The following OR52N4 variants were observed in gnomAD, a reference collection of about 807,000 sequenced individuals.
The protein encoded by OR52N4 is olfactory receptor 52N4.
OR52N4 carries 15 observed loss-of-function variants against 15.0 expected under a neutral mutation model. The observed-to-expected ratio is 1.00, with a 90% CI of 0.67 to 1.54. The LOEUF (loss-of-function observed/expected upper bound fraction) is 1.54. Among genes scored for constraint, OR52N4 ranks in the 40% most tolerant of loss-of-function variants. The pLI, the probability that OR52N4 is intolerant of heterozygous loss-of-function variation, is 0.00. For missense variants in OR52N4, 421 were observed against 394.0 expected (o/e 1.07, Z -0.58); for synonymous variants, 143 against 143.7 (o/e 1.00, Z 0.03).
chr11:5,737,278 C>T, the OR52N4 span: 3 of 1,614,026 alleles, frequency 1.9e-6, no homozygotes, highest in African/African-American at 4.0e-5. Flanking sequence ...GTTCACATCT[C>T]ACCCTCATCC....
Position 5,755,460 on chromosome 11 carries a change from T to C in OR52N4, c.720T>C (p.Phe240=), listed in dbSNP as rs1377484155. 7.4e-6 allele frequency: 12 copies of C among 1,614,028 alleles called. No individual in the cohort carries two copies. Among genetic ancestry groups the C allele is most frequent in the Non-Finnish European group, 1.0e-5 (12 of 1,179,926 alleles). ...CAGCAGATGCTCGGCAGAAGGCCTT[T>C]AATACCTGCACTGCCCACATTTGTG... ...LSSADARQKA[F]NTCTAHICAI... Residue 240 remains phenylalanine, a synonymous_variant, in exon 2 of 2, where the codon TTT becomes TTC. Coordinates refer to ENST00000641350, the MANE Select transcript of OR52N4 (RefSeq NM_001005175.5).
At chr11:5,749,554 G>A (rs1854146405), upstream of OR52N4, among the ~76,000 whole-genome samples, 1 of 151,926 alleles carries the variant, frequency 6.6e-6, no homozygotes, top group Non-Finnish European at 1.5e-5. Context: ...AGACTAGCTA[G>A]AGAATATTTA....
chr11:5,752,782 T>C (rs1268144864), upstream of OR52N4, among the ~76,000 whole-genome samples: 1 of 152,176 alleles, frequency 6.6e-6, no homozygotes, highest in Non-Finnish European at 1.5e-5. Flanking sequence ...AGGACCCTTC[T>C]ACCACATACT....
chr11:5,742,914 T>C, the OR52N4 span, among the ~76,000 whole-genome samples: 1 of 152,140 alleles, frequency 6.6e-6, no homozygotes, highest in Non-Finnish European at 1.5e-5. Flanking sequence ...TGAACAGGAA[T>C]GTACTAAATG....
chr11:5,735,883 GC>G, the OR52N4 span: 6 of 152,688 alleles, frequency 3.9e-5, no homozygotes, highest in Non-Finnish European at 5.8e-5. Context: ...ACAACATTGT[GC>G]CTGTATTCAC....
At chr11:5,734,642 T>C in the OR52N4 span, among the ~76,000 whole-genome samples, 3 of 152,062 alleles carry the variant, frequency 2.0e-5, no homozygotes, top group Non-Finnish European at 4.4e-5. Flanking sequence ...AGAAAAAAAT[T>C]TTAATAGAGA....
At chr11:5,736,844 A>G in the OR52N4 span, 1 of 1,613,952 alleles carries the variant, frequency 6.2e-7, no homozygotes, top group Non-Finnish European at 8.5e-7. Context: ...CTTTGCTCAG[A>G]TTTATGCCAT....
chr11:5,736,653 C>T, the OR52N4 span: 8 of 1,613,888 alleles, frequency 5.0e-6, no homozygotes, highest in East Asian at 1.8e-4. Context: ...CTGTATCTCT[C>T]AGCACTTGCT....
the OR52N4 span, among the ~76,000 whole-genome samples, chr11:5,738,971 A>G: frequency 0.046 from 4,813 of 104,272 alleles, 1,201 homozygotes; most frequent in Middle Eastern, 0.14. Context: ...TATACATTAT[A>G]TAATGTCAAC....
Position 5,755,054 on chromosome 11 carries a change from T to C in OR52N4, c.314T>C (p.Phe105Ser), listed in dbSNP as rs1564958714. ...GFDECLVQMF[F>S]THTFTGMESG... Reference sequence around the variant, plus strand: ...GATGAATGCCTTGTCCAGATGTTCTTCACCCACACCTTCACAGGGATGGAG... The same window carrying C: ...GATGAATGCCTTGTCCAGATGTTCTCCACCCACACCTTCACAGGGATGGAG... Residue 105 changes from phenylalanine to serine, a missense_variant, in exon 2 of 2, where the codon TTC (phenylalanine) becomes TCC (serine). Coordinates refer to ENST00000641350, the MANE Select transcript of OR52N4 (RefSeq NM_001005175.5). 22 of 1,613,942 alleles carry C rather than the reference T, an allele frequency of 1.4e-5. No individual in the cohort carries two copies. The highest frequency in any genetic ancestry group is 1.9e-5 in the Non-Finnish European group (22 of 1,179,978).
upstream of OR52N4, among the ~76,000 whole-genome samples, chr11:5,751,218 C>T (rs1854185203): frequency 6.6e-6 from 1 of 151,686 alleles, no homozygotes; most frequent in African/African-American, 2.4e-5. Flanking sequence ...ATTTTTAAAC[C>T]TTTGTGTATA....
At chr11:5,727,461 G>A in the OR52N4 span, 2 of 152,002 alleles carry the variant, frequency 1.3e-5, no homozygotes, top group East Asian at 1.9e-4. Flanking sequence ...AGGCATCTGA[G>A]TGACCCTGGA....
chr11:5,753,311 G>A (rs891147134), upstream of OR52N4, among the ~76,000 whole-genome samples: 1 of 151,956 alleles, frequency 6.6e-6, no homozygotes, highest in Non-Finnish European at 1.5e-5. Flanking sequence ...TAGCTGTCCT[G>A]TTTGGTATGT....
upstream of OR52N4, among the ~76,000 whole-genome samples, chr11:5,753,217 A>G (rs1854225050): frequency 6.6e-6 from 1 of 152,122 alleles, no homozygotes. Context: ...AGTTGTTCTA[A>G]TTTACATGTC....
At position 5,754,791 on chromosome 11, in the gene OR52N4, T is replaced by A. The variant is rs1854261648; in HGVS notation, c.51T>A (p.Asn17Lys). 1 of 1,613,540 alleles carries A rather than the reference T, an allele frequency of 6.2e-7. No individual in the cohort carries two copies. The highest frequency in any genetic ancestry group is 8.5e-7 in the Non-Finnish European group (1 of 1,179,694). ...TDLIPASFIL[N>K]GVPGLEDTQL... ...TAATACCAGCTTCATTTATTCTGAA[T>A]GGAGTCCCAGGACTGGAAGACACAC... Residue 17 changes from asparagine to lysine, a missense_variant, in exon 2 of 2, where the codon AAT becomes AAA. By Grantham distance (94) the Asn-to-Lys change is moderately conservative. Coordinates refer to ENST00000641350, the MANE Select transcript of OR52N4 (RefSeq NM_001005175.5).
the OR52N4 span, among the ~76,000 whole-genome samples, chr11:5,748,977 G>T: frequency 6.6e-6 from 1 of 151,916 alleles, no homozygotes; most frequent in South Asian, 2.1e-4. Flanking sequence ...TTCCCATAGA[G>T]GTTATCTTGA....
upstream of OR52N4, among the ~76,000 whole-genome samples, chr11:5,753,876 G>C (rs10160813): frequency 0.91 from 137,973 of 151,332 alleles, 63,279 homozygotes; most frequent in Middle Eastern, 0.98. Flanking sequence ...GCCTGTAGTC[G>C]CAGCTACTCG....
chr11:5,746,158 T>C, the OR52N4 span, among the ~76,000 whole-genome samples: 1 of 152,150 alleles, frequency 6.6e-6, no homozygotes. Context: ...TAATTTAAGA[T>C]AGGTTAAAGA....
chr11:5,740,892 G>A, the OR52N4 span, among the ~76,000 whole-genome samples: 11 of 127,252 alleles, frequency 8.6e-5, 3 homozygotes, highest in Non-Finnish European at 1.4e-4. Flanking sequence ...ACTGTTTAAT[G>A]CTTAACAAGA....
Sources: gnomAD v4.1 joint callset for allele counts (sites outside exome capture counted in the v4.1 genomes callset) on GRCh38, gnomAD v4.1.1 for gene constraint, MANE v1.5 for transcripts, NCBI Gene and HGNC (gene_info 2026-07-23, HGNC 2026-07-21) for gene names.